Variants in PLOD2 observed in about 807,000 individuals in gnomAD.
PLOD2 encodes procollagen-lysine,2-oxoglutarate 5-dioxygenase 2.
PLOD2 carries 65 observed loss-of-function variants against 101.0 expected under a neutral mutation model. That is an observed-to-expected ratio of 0.64 (90% CI 0.53 to 0.79). PLOD2 has a LOEUF of 0.79. Ranked by LOEUF, PLOD2 falls within the 30% of genes least tolerant of loss-of-function variation. PLOD2 has a pLI of 0.00. For missense variants in PLOD2, 909 were observed against 914.6 expected (o/e 0.99, Z 0.08); for synonymous variants, 314 against 302.9 (o/e 1.04, Z -0.38).
intron 1 of PLOD2, among the ~76,000 whole-genome samples, chr3:146,145,953 C>T (rs1655210442): frequency 1.3e-5 from 2 of 152,150 alleles, no homozygotes; most frequent in South Asian, 2.1e-4. Context: ...TAAGTTGTAC[C>T]ATGCCGTCTC....
At chr3:146,157,395 C>G (rs971163805) in intron 1 of PLOD2, among the ~76,000 whole-genome samples, 1 of 151,968 alleles carries the variant, frequency 6.6e-6, no homozygotes, top group African/African-American at 2.4e-5. Context: ...TAAAAAGAAC[C>G]AAACAAAAAT....
At chr3:146,133,395 C>A (rs1454087129) in intron 1 of PLOD2, among the ~76,000 whole-genome samples, 1 of 152,018 alleles carries the variant, frequency 6.6e-6, no homozygotes, top group Non-Finnish European at 1.5e-5. Flanking sequence ...ACATATGAAC[C>A]ATATAATTTT....
At chr3:146,116,284 C>T (rs1302174331) in intron 3 of PLOD2, among the ~76,000 whole-genome samples, 1 of 151,924 alleles carries the variant, frequency 6.6e-6, no homozygotes, top group Non-Finnish European at 1.5e-5. Flanking sequence ...CGCACACACA[C>T]AGTTAAAAAC....
intron 1 of PLOD2, among the ~76,000 whole-genome samples, chr3:146,150,772 T>A (rs933721984): frequency 2.0e-5 from 3 of 152,216 alleles, no homozygotes; most frequent in Non-Finnish European, 4.4e-5. Context: ...TATTAATTTA[T>A]TTGACTTAAA....
chr3:146,096,327 G>A (rs1286896465), intron 7 of PLOD2, among the ~76,000 whole-genome samples: 2 of 85,880 alleles, frequency 2.3e-5, no homozygotes, highest in Admixed American at 1.1e-4. Context: ...AGTGAGGAGC[G>A]TCTCTGCTTG....
rs2031609146 is a variant in PLOD2, at chr3:146,143,156, C to T, written c.109+17725G>A. Among the ~76,000 whole-genome samples, 4 of 152,082 alleles carry T rather than the reference C, an allele frequency of 2.6e-5. No individual in the cohort carries two copies. The South Asian group carries it at 8.3e-4, about 32-fold the overall frequency. On this transcript the variant is annotated intron_variant, in intron 1 of 19. Coordinates refer to ENST00000282903, the MANE Select transcript of PLOD2 (RefSeq NM_182943.3). ...AAAAATATTTTTAGGGTCCTGTTTT[C>T]CACCACTAGCATTCTGCTGAATAAA...
chr3:146,091,804 A>C lies in PLOD2; in HGVS notation c.875T>G (p.Val292Gly). The change falls in exon 8 of 20, where the codon GTA becomes GGA. Residue 292 changes from valine (V) to glycine (G), a missense_variant. Coordinates refer to ENST00000282903, the MANE Select transcript of PLOD2 (RefSeq NM_182943.3). ...CEFDTVDLSA[V>G]DVHPNVSIGV... Reference sequence around the variant, plus strand: ...CACATAATCAATTCCACTTACATCTACTGCAGACAAGTCGACTGTATCGAA... The same window carrying C: ...CACATAATCAATTCCACTTACATCTCCTGCAGACAAGTCGACTGTATCGAA... The C allele has an allele frequency of 6.5e-7, 1 of 1,530,488 alleles. No individual in the cohort carries two copies. The allele number at this position is 1,530,488 out of a possible 1,614,324, so 94.8% of individuals were successfully genotyped here.
intron 10 of PLOD2, 34 bp from the exon 11 acceptor site, chr3:146,085,307 CATAAA>C (rs756236684): frequency 1.3e-5 from 14 of 1,045,664 alleles, no homozygotes; most frequent in Non-Finnish European, 1.8e-5. Flanking sequence ...ATGGGCATGA[CATAAA>C]ATAAATATCT....
chr3:146,085,515 C>A (rs200042447), intron 10 of PLOD2: 2 of 527,210 alleles, frequency 3.8e-6, no homozygotes, highest in South Asian at 2.9e-5. Flanking sequence ...AATATATTTT[C>A]AAGCCAGTAA....
chr3:146,087,441 G>A (rs985786279), intron 9 of PLOD2, among the ~76,000 whole-genome samples: 1 of 151,616 alleles, frequency 6.6e-6, no homozygotes, highest in Admixed American at 6.6e-5. Context: ...AACAAAAAAA[G>A]GAAAAATTTA....
intron 1 of PLOD2, among the ~76,000 whole-genome samples, chr3:146,150,984 T>C (rs78153669): frequency 0.014 from 2,197 of 152,324 alleles, 56 homozygotes; most frequent in African/African-American, 0.05. Context: ...CCTACTGTCC[T>C]GCATCTAAAT....
Position 146,072,640 on chromosome 3 carries a change from G to A in PLOD2, c.1769C>T (p.Pro590Leu). Residue 590 changes from proline to leucine, a missense_variant, in exon 17 of 20, where the codon CCC becomes CTC. Transcript: ENST00000282903. ...EQPCPDVFWF[P>L]IFSEKACDEL... Reference sequence around the variant, plus strand: ...ATCACAGGCTTTTTCAGAAAATATGGGGAACCAAAAGACATCTGGACAGGG... The same window carrying A: ...ATCACAGGCTTTTTCAGAAAATATGAGGAACCAAAAGACATCTGGACAGGG... The A allele has an allele frequency of 1.9e-6, 3 of 1,608,562 alleles. No individual in the cohort carries two copies. The highest frequency in any genetic ancestry group is 2.6e-6 in the Non-Finnish European group (3 of 1,175,884).
intron 1 of PLOD2, among the ~76,000 whole-genome samples, chr3:146,145,279 T>C (rs1169155131): frequency 1.3e-5 from 2 of 152,140 alleles, no homozygotes; most frequent in African/African-American, 4.8e-5. Context: ...AAAACTGCTA[T>C]GGTGACATAA....
At chr3:146,086,942 A>G (rs973640271) in intron 9 of PLOD2, 34 bp from the exon 10 acceptor site, 1 of 1,318,562 alleles carries the variant, frequency 7.6e-7, no homozygotes, top group Non-Finnish European at 1.1e-6. Context: ...AAATTAGAGA[A>G]TAAGACAATC....
intron 11 of PLOD2, among the ~76,000 whole-genome samples, chr3:146,082,638 A>G (rs1276653044): frequency 6.6e-6 from 1 of 152,186 alleles, no homozygotes; most frequent in Non-Finnish European, 1.5e-5. Flanking sequence ...CATGCCTGTA[A>G]TCCCAGCACT....
chr3:146,122,679 T>G (rs2030252115), intron 2 of PLOD2, among the ~76,000 whole-genome samples: 1 of 152,130 alleles, frequency 6.6e-6, no homozygotes, highest in African/African-American at 2.4e-5. Context: ...AGCAAAAGGA[T>G]CATAAACTCC....
chr3:146,070,899 A>G, intron 19 of PLOD2, 27 bp from the exon 20 acceptor site: 1 of 1,579,648 alleles, frequency 6.3e-7, no homozygotes, highest in Non-Finnish European at 8.7e-7. Flanking sequence ...GAAGAAATAC[A>G]TCAGATTATA....
At chr3:146,148,898 T>A (rs576040666) in intron 1 of PLOD2, among the ~76,000 whole-genome samples, 1 of 152,190 alleles carries the variant, frequency 6.6e-6, no homozygotes. Context: ...CTGAAAGTCA[T>A]AGCATGCAAA....
At chr3:146,151,674 C>T (rs1266943904) in intron 1 of PLOD2, among the ~76,000 whole-genome samples, 1 of 152,088 alleles carries the variant, frequency 6.6e-6, no homozygotes, top group African/African-American at 2.4e-5. Flanking sequence ...AGGTTGCTTA[C>T]CCGTAAGTGC....
Sources: allele counts gnomAD v4.1 joint callset (sites outside exome capture counted in the v4.1 genomes callset), GRCh38; gene constraint gnomAD v4.1.1; transcripts MANE v1.5; gene names NCBI Gene and HGNC (gene_info 2026-07-23, HGNC 2026-07-21).